The following LRRC7 variants were observed in gnomAD, a reference collection of about 807,000 sequenced individuals.
LRRC7 encodes leucine rich repeat containing 7.
A neutral mutation model predicts 175.7 loss-of-function variants in LRRC7; 23 were observed. That is an observed-to-expected ratio of 0.13 (90% CI 0.09 to 0.19). The LOEUF (loss-of-function observed/expected upper bound fraction) is 0.19. Ranked by LOEUF, LRRC7 falls within the 10% of genes least tolerant of loss-of-function variation. The pLI is 1.00. For missense variants in LRRC7, 1,354 were observed against 1,904.7 expected (o/e 0.71, Z 5.38); for synonymous variants, 685 against 680.9 (o/e 1.01, Z -0.09).
chr1:69,625,093 A>C (rs1162313880), intron 1 of LRRC7, among the ~76,000 whole-genome samples: 1 of 152,042 alleles, frequency 6.6e-6, no homozygotes, highest in Non-Finnish European at 1.5e-5. Context: ...AATGATTAGC[A>C]AAATTCATTT....
At chr1:69,723,744 T>G (rs181034965) in intron 2 of LRRC7, among the ~76,000 whole-genome samples, 1 of 152,242 alleles carries the variant, frequency 6.6e-6, no homozygotes, top group East Asian at 1.9e-4. Context: ...AAGATCAAAG[T>G]GCCAGCAGAT....
At chr1:69,759,888 G>T (rs1185361041) in intron 2 of LRRC7, among the ~76,000 whole-genome samples, 2 of 151,988 alleles carry the variant, frequency 1.3e-5, no homozygotes, top group East Asian at 1.9e-4. Flanking sequence ...CATGCTAGTA[G>T]CATTGAACTG....
intron 2 of LRRC7, among the ~76,000 whole-genome samples, chr1:69,734,615 T>C (rs1667918461): frequency 6.6e-6 from 1 of 151,984 alleles, no homozygotes; most frequent in Non-Finnish European, 1.5e-5. Flanking sequence ...AAATTTTCTT[T>C]GCTTTTATAA....
chr1:69,635,733 T>A (rs905547799), intron 1 of LRRC7, among the ~76,000 whole-genome samples: 3 of 152,164 alleles, frequency 2.0e-5, no homozygotes, highest in Admixed American at 2.0e-4. Flanking sequence ...CAAAAGTTGA[T>A]AGTGTGCTTG....
chr1:69,838,218 T>C lies in LRRC7; in HGVS notation c.591-9T>C, dbSNP rs1557793156. On this transcript the variant is annotated splice_polypyrimidine_tract_variant and intron_variant, in intron 6 of 26. Transcript: ENST00000651989. ...ACTAAGAGGAAATTTTTAAAATTCA[T>C]TTCTGTAGACTTGTCAAATTGCGGA... 6.2e-7 allele frequency: 1 copy of C among 1,605,354 alleles called. No homozygotes were observed. Among genetic ancestry groups the C allele is most frequent in the Non-Finnish European group, 8.5e-7 (1 of 1,173,770 alleles).
chr1:69,779,005 T>TAC (rs1332135233), intron 3 of LRRC7, among the ~76,000 whole-genome samples: 1 of 136,510 alleles, frequency 7.3e-6, no homozygotes, highest in Admixed American at 7.6e-5. Flanking sequence ...TACACATATA[T>TAC]ACACACACAC....
chr1:69,644,208 C>G (rs1654656786), intron 1 of LRRC7, among the ~76,000 whole-genome samples: 1 of 151,740 alleles, frequency 6.6e-6, no homozygotes, highest in Admixed American at 6.6e-5. Flanking sequence ...CTTCTGTACT[C>G]TTACTAATTT....
chr1:69,934,175 C>A (rs897044528), intron 8 of LRRC7, among the ~76,000 whole-genome samples: 2 of 152,070 alleles, frequency 1.3e-5, no homozygotes. Flanking sequence ...AGATCAAATT[C>A]TATTCTGTAG....
intron 2 of LRRC7, among the ~76,000 whole-genome samples, chr1:69,721,915 G>T (rs986695954): frequency 3.3e-5 from 5 of 151,554 alleles, no homozygotes; most frequent in African/African-American, 1.2e-4. Flanking sequence ...TACTTCAGTG[G>T]CATTAAGTAC....
chr1:69,744,265 G>A (rs375541085), intron 2 of LRRC7, among the ~76,000 whole-genome samples: 96 of 151,748 alleles, frequency 6.3e-4, no homozygotes, highest in African/African-American at 2.1e-3. Context: ...CAATACACAC[G>A]TATATACATA....
intron 7 of LRRC7, among the ~76,000 whole-genome samples, chr1:69,905,867 C>A (rs1646289852): frequency 6.6e-6 from 1 of 152,216 alleles, no homozygotes; most frequent in Admixed American, 6.5e-5. Context: ...AGTTTACAGT[C>A]CCACCAACAG....
intron 7 of LRRC7, among the ~76,000 whole-genome samples, chr1:69,877,949 G>A (rs1686193054): frequency 6.6e-6 from 1 of 152,102 alleles, no homozygotes; most frequent in Non-Finnish European, 1.5e-5. Flanking sequence ...GATGTGGTGT[G>A]AGACTATCAA....
chr1:70,085,794 T>A (rs1037102946), intron 24 of LRRC7, among the ~76,000 whole-genome samples: 1 of 152,214 alleles, frequency 6.6e-6, no homozygotes, highest in African/African-American at 2.4e-5. Context: ...CTGAAATTAC[T>A]TATTTGTTGT....
intron 8 of LRRC7, among the ~76,000 whole-genome samples, chr1:69,940,715 C>T (rs1295999766): frequency 6.6e-6 from 1 of 151,974 alleles, no homozygotes; most frequent in Non-Finnish European, 1.5e-5. Flanking sequence ...CTATTCACAG[C>T]TCGAAAACAT....
At chr1:69,583,801 C>G (rs1017840117) in intron 1 of LRRC7, among the ~76,000 whole-genome samples, 13 of 152,094 alleles carry the variant, frequency 8.5e-5, no homozygotes, top group African/African-American at 3.1e-4. Flanking sequence ...CACTGTCTCT[C>G]AATTTTTTTC....
At chr1:69,608,812 GTCTCTCTCTCTCTC>G (rs558298354) in intron 1 of LRRC7, among the ~76,000 whole-genome samples, 1,205 of 91,210 alleles carry the variant, frequency 0.013, 9 homozygotes, top group East Asian at 0.023. Context: ...TGCTCTGTCT[GTCTCTCTCTCTCTC>G]TCTCTCTCTC....
intron 15 of LRRC7, among the ~76,000 whole-genome samples, 178 bp downstream of exon 15, chr1:70,018,996 A>G (rs185203482): frequency 2.5e-4 from 38 of 152,160 alleles, no homozygotes; most frequent in Non-Finnish European, 5.0e-4. Flanking sequence ...TTTCTACTCT[A>G]TTTTAGATAA....
rs974995296 is a variant in LRRC7, at chr1:70,028,349, C to A, written c.1973C>A (p.Ala658Asp). Residue 658 changes from alanine to aspartate, a missense_variant, in exon 18 of 27, where the codon GCC becomes GAC. Physicochemically the swap from Ala to Asp is moderately radical, Grantham distance 126 (BLOSUM62 -2). Transcript: ENST00000651989. The stretch of plus-strand genomic sequence containing the variant: ...AAATATGAACACAAGTGGCCGGTAG[C>A]CCCAAAGGAGATTACAGTGGAGGTA... ...KEKYEHKWPV[A>D]PKEITVEDSF... is the part of the protein sequence containing the mutation. The A allele has an allele frequency of 8.1e-6, 13 of 1,613,412 alleles. No homozygotes were observed. Among genetic ancestry groups the A allele is most frequent in the Non-Finnish European group, 1.1e-5 (13 of 1,179,616 alleles).
At chr1:69,653,501 G>T (rs929076319) in intron 1 of LRRC7, among the ~76,000 whole-genome samples, 9 of 150,998 alleles carry the variant, frequency 6.0e-5, no homozygotes, top group African/African-American at 2.2e-4. Context: ...TAAAAAAAAA[G>T]AAAACTGTTA....
Sources: allele counts gnomAD v4.1 joint callset (sites outside exome capture counted in the v4.1 genomes callset), GRCh38; gene constraint gnomAD v4.1.1; transcripts MANE v1.5; gene names NCBI Gene and HGNC (gene_info 2026-07-23, HGNC 2026-07-21).